The following PRR33 variants were observed in gnomAD, a reference collection of about 807,000 sequenced individuals.
PRR33 encodes proline rich 33.
Under a neutral mutation model 0.5 loss-of-function variants are expected in PRR33, and 1 was observed. That is an observed-to-expected ratio of 2.18 (90% CI 0.77 to 10.34). The LOEUF is 10.34. Among genes scored for constraint, PRR33 ranks in the 30% most tolerant of loss-of-function variants. PRR33 has a pLI of 0.13. For missense variants in PRR33, 552 were observed against 251.8 expected, an observed-to-expected ratio of 2.19 and a Z score of -8.07; for synonymous variants, 226 against 110.0, an observed-to-expected ratio of 2.06 and a Z score of -6.60.
chr11:1,892,825 T>C (rs1234553691), upstream of PRR33, among the ~76,000 whole-genome samples: 1 of 150,316 alleles, frequency 6.7e-6, no homozygotes, highest in Non-Finnish European at 1.5e-5. Flanking sequence ...AATGGATAGA[T>C]GATCAGATGA....
the PRR33 span, among the ~76,000 whole-genome samples, chr11:1,901,163 T>C: frequency 1.3e-5 from 2 of 152,048 alleles, no homozygotes; most frequent in African/African-American, 4.8e-5. Flanking sequence ...AAATACAAAA[T>C]TAGTCGGGCG....
chr11:1,908,408 G>A, the PRR33 span, among the ~76,000 whole-genome samples: 2 of 139,662 alleles, frequency 1.4e-5, no homozygotes, highest in African/African-American at 2.7e-5. Flanking sequence ...TTTTTTGTGA[G>A]AGTCAAACTC....
the PRR33 span, among the ~76,000 whole-genome samples, chr11:1,916,724 C>T: frequency 6.6e-6 from 1 of 152,190 alleles, no homozygotes; most frequent in Non-Finnish European, 1.5e-5. Flanking sequence ...TCGGCTCAGC[C>T]TCGAGAACAA....
exon 1 of PRR33, chr11:1,890,838 G>C: frequency 1.8e-6 from 1 of 545,350 alleles, no homozygotes; most frequent in South Asian, 2.5e-5. Context: ...CCAGGGATGG[G>C]GCTAGAACCT....
chr11:1,893,759 A>C (rs1849083594), upstream of PRR33, among the ~76,000 whole-genome samples: 1 of 147,446 alleles, frequency 6.8e-6, no homozygotes, highest in South Asian at 2.3e-4. Flanking sequence ...GGATGAAGGG[A>C]TGGATGAGAG....
chr11:1,895,096 G>T (rs1049738452), upstream of PRR33, among the ~76,000 whole-genome samples: 17 of 151,972 alleles, frequency 1.1e-4, no homozygotes, highest in African/African-American at 3.9e-4. Flanking sequence ...GTAAAATTGG[G>T]TTATTTGTTT....
At chr11:1,910,894 G>C in the PRR33 span, among the ~76,000 whole-genome samples, 1 of 151,986 alleles carries the variant, frequency 6.6e-6, no homozygotes, top group African/African-American at 2.4e-5. Context: ...ACCTCCTCTC[G>C]CCCATTTTTC....
the PRR33 span, chr11:1,907,743 T>C: frequency 2.0e-5 from 3 of 151,974 alleles, no homozygotes; most frequent in African/African-American, 7.3e-5. Context: ...ATTTTTTTTT[T>C]CACATGTCGT....
the PRR33 span, among the ~76,000 whole-genome samples, chr11:1,901,445 T>G: frequency 6.6e-6 from 1 of 152,196 alleles, no homozygotes; most frequent in East Asian, 1.9e-4. Flanking sequence ...GAGAGACATA[T>G]AGTCATAACA....
chr11:1,889,312 G>A (rs1489086009), exon 1 of PRR33: 8 of 706,364 alleles, frequency 1.1e-5, no homozygotes, highest in Middle Eastern at 2.3e-4. Context: ...GCTGGGGTGT[G>A]CTCCCCACCG....
chr11:1,899,348 G>A, the PRR33 span, among the ~76,000 whole-genome samples: 3 of 152,174 alleles, frequency 2.0e-5, no homozygotes, highest in Non-Finnish European at 4.4e-5. Flanking sequence ...TCACTGCAGT[G>A]TGGGTGGCAA....
chr11:1,907,747 A>T, the PRR33 span: 1 of 151,416 alleles, frequency 6.6e-6, no homozygotes, highest in Non-Finnish European at 1.5e-5. Flanking sequence ...TTTTTTTCAC[A>T]TGTCGTAGCC....
chr11:1,911,959 G>A, the PRR33 span, among the ~76,000 whole-genome samples: 1 of 130,286 alleles, frequency 7.7e-6, no homozygotes, highest in African/African-American at 2.9e-5. Context: ...CCTGGAGTTT[G>A]AGACCAGCCT....
upstream of PRR33, among the ~76,000 whole-genome samples, chr11:1,892,746 A>AGGTGGGCGAGTGGATGAATGGCTG (rs1191767532): frequency 3.3e-5 from 5 of 151,364 alleles, no homozygotes; most frequent in South Asian, 6.3e-4. Context: ...ATGGATGGGT[A>AGGTGGGCGAGTGGATGAATGGCTG]GGTGGGCGAG....
exon 1 of PRR33, chr11:1,890,774 G>A: frequency 1.7e-6 from 1 of 597,382 alleles, no homozygotes; most frequent in East Asian, 2.8e-5. Flanking sequence ...GGGACTTTGG[G>A]GTGGCCCCAC....
At chr11:1,897,203 A>G in the PRR33 span, among the ~76,000 whole-genome samples, 21 of 152,236 alleles carry the variant, frequency 1.4e-4, no homozygotes, top group Non-Finnish European at 2.6e-4. The surrounding 1 kb of genome is among the most constrained non-coding windows in gnomAD (Gnocchi z 4.0). Flanking sequence ...GTTTCAGTTC[A>G]CAGTGGATGG....
At chr11:1,894,556 T>C (rs1229144974), upstream of PRR33, among the ~76,000 whole-genome samples, 6 of 152,140 alleles carry the variant, frequency 3.9e-5, no homozygotes, top group African/African-American at 1.4e-4. Flanking sequence ...TTTTACAGTG[T>C]TACATAAATG....
At chr11:1,914,226 T>G in the PRR33 span, among the ~76,000 whole-genome samples, 1 of 151,610 alleles carries the variant, frequency 6.6e-6, no homozygotes, top group African/African-American at 2.4e-5. Context: ...GGATGATGTT[T>G]CTGTGTGTGT....
the PRR33 span, among the ~76,000 whole-genome samples, chr11:1,917,316 C>T: frequency 6.6e-6 from 1 of 152,218 alleles, no homozygotes; most frequent in African/African-American, 2.4e-5. Flanking sequence ...CCCCGGCCAC[C>T]ATCTGGGGGC....
Sources: gnomAD v4.1 joint callset for allele counts (sites outside exome capture counted in the v4.1 genomes callset) on GRCh38, gnomAD v4.1.1 for gene constraint, Gnocchi (gnomAD v3.1) non-coding constraint, MANE v1.5 for transcripts, NCBI Gene and HGNC (gene_info 2026-07-23, HGNC 2026-07-21) for gene names.